The following KLK14 variants were observed in gnomAD, a reference collection of about 807,000 sequenced individuals.
The protein encoded by KLK14 is kallikrein-14.
KLK14 carries 21 observed loss-of-function variants against 24.6 expected under a neutral mutation model. The ratio of observed to expected loss-of-function variants is 0.85; its 90% confidence interval spans 0.61 to 1.23. KLK14 has a LOEUF of 1.23. Among genes scored for constraint, KLK14 ranks in the 50% most tolerant of loss-of-function variants. The pLI, the probability that KLK14 is intolerant of heterozygous loss-of-function variation, is 0.00. For synonymous variants in KLK14, 133 were observed against 139.7 expected, an observed-to-expected ratio of 0.95 and a Z score of 0.34; for missense variants, 320 against 338.9, an observed-to-expected ratio of 0.94 and a Z score of 0.44.
At chr19:51,082,344 T>C (rs890010964) in intron 2 of KLK14, among the ~76,000 whole-genome samples, 2 of 152,162 alleles carry the variant, frequency 1.3e-5, no homozygotes, top group African/African-American at 2.4e-5. Flanking sequence ...ATTCCTTATG[T>C]ATTTTGCACC....
chr19:51,079,803 A>G (rs2091828514), intron 3 of KLK14, 101 bp from the exon 4 acceptor site: 2 of 1,455,352 alleles, frequency 1.4e-6, no homozygotes, highest in Non-Finnish European at 9.1e-7. Flanking sequence ...GTCTTCCCCG[A>G]GGTCTAGCCT....
rs778106206 is a variant in KLK14, at chr19:51,077,958, G to A, written c.*49C>T. On this transcript the variant is annotated 3_prime_UTR_variant, in exon 6 of 6. Coordinates refer to ENST00000650543, the MANE Select transcript of KLK14 (RefSeq NM_001369775.2). ...CCTGGACTCCTGGGTCCTGAGTAGA[G>A]AGAGGAGGGCCTGGGCAGCTGACGA... 2 of 1,602,406 alleles carry A rather than the reference G, an allele frequency of 1.2e-6. No individual in the cohort carries two copies. Among genetic ancestry groups the A allele is most frequent in the Admixed American group, 1.7e-5 (1 of 59,458 alleles).
At chr19:51,077,673 T>TGG (rs1446420702), downstream of KLK14, among the ~76,000 whole-genome samples, 4 of 73,050 alleles carry the variant, frequency 5.5e-5, no homozygotes, top group Admixed American at 1.7e-4. Flanking sequence ...GAGGAGGGGC[T>TGG]GGGCCTGGAT....
chr19:51,080,506 G>A (rs1027502483), intron 3 of KLK14, among the ~76,000 whole-genome samples: 1 of 152,164 alleles, frequency 6.6e-6, no homozygotes, highest in Non-Finnish European at 1.5e-5. Flanking sequence ...TCTAGACTCT[G>A]GCCTGAGCTT....
rs2091813727 is a variant in KLK14, at chr19:51,078,060, T to TGTAGACACC, written c.694_702dup (p.Gly232_Tyr234dup). On this transcript the variant is annotated inframe_insertion, in exon 6 of 6. Transcript: ENST00000650543. The surrounding 1 kb of genome is among the most constrained non-coding windows in gnomAD (Gnocchi z 5.0). Reference sequence around the variant, plus strand: ...CAGCTTCTGTACTTGCACAGGTTGGTGTAGACACCGGGGTAGCCAGGCAGG... The same window carrying TGTAGACACC: ...CAGCTTCTGTACTTGCACAGGTTGGTGTAGACACCGTAGACACCGGGGTAGCCAGGCAGG... The TGTAGACACC allele has an allele frequency of 1.2e-6, 2 of 1,613,950 alleles. No individual in the cohort carries two copies. Among genetic ancestry groups the TGTAGACACC allele is most frequent in the East Asian group, 4.5e-5 (2 of 44,876 alleles).
intron 4 of KLK14, among the ~76,000 whole-genome samples, 170 bp from the exon 5 acceptor site, chr19:51,079,121 C>T (rs1489550085): frequency 1.4e-5 from 2 of 139,872 alleles, no homozygotes; most frequent in African/African-American, 3.1e-5. Flanking sequence ...GGAGTCCAGA[C>T]CCCCAGTCCC....
rs2091816169 is a variant in KLK14, at chr19:51,078,323, G to T, written c.604-164C>A. On this transcript the variant is annotated intron_variant, in intron 5 of 5. Coordinates refer to ENST00000650543, the MANE Select transcript of KLK14 (RefSeq NM_001369775.2). This position sits in a 1 kb window ranked among gnomAD's most constrained non-coding sequence, Gnocchi z 5.0. ...CTGAGGTCTCAGCCCCGGAGGTCGGGGCACTTCCTTCCCTCTCCGCTGGGT... is the reference window on the plus strand; with the variant it reads ...CTGAGGTCTCAGCCCCGGAGGTCGGTGCACTTCCTTCCCTCTCCGCTGGGT... Among the ~76,000 whole-genome samples, 1 of 152,130 alleles carries T rather than the reference G, an allele frequency of 6.6e-6. No individual in the cohort carries two copies. Among genetic ancestry groups the T allele is most frequent in the Non-Finnish European group, 1.5e-5 (1 of 68,012 alleles).
Position 51,078,174 on chromosome 19 carries a change from C to A in KLK14, c.604-15G>T. The stretch of plus-strand genomic sequence containing the variant: ...CCAGAGTCACCCTGAGGGGGAGGAA[C>A]AGAAATGGAGACACTGATGGACAGG... On this transcript the variant is annotated splice_polypyrimidine_tract_variant and intron_variant, in intron 5 of 5. Transcript: ENST00000650543. The surrounding 1 kb of genome is among the most constrained non-coding windows in gnomAD (Gnocchi z 5.0). 4 of 1,612,282 alleles carry A rather than the reference C, an allele frequency of 2.5e-6. No homozygotes were observed. Among genetic ancestry groups the A allele is most frequent in the Non-Finnish European group, 3.4e-6 (4 of 1,179,356 alleles).
chr19:51,081,885 C>T (rs566330570), intron 2 of KLK14, among the ~76,000 whole-genome samples, 182 bp from the exon 3 acceptor site: 7 of 152,230 alleles, frequency 4.6e-5, no homozygotes, highest in African/African-American at 1.7e-4. Flanking sequence ...TGCCCCAGCA[C>T]GGAGAGCTTT....
At chr19:51,080,197 T>C (rs2122753594) in intron 3 of KLK14, among the ~76,000 whole-genome samples, 1 of 151,954 alleles carries the variant, frequency 6.6e-6, no homozygotes, top group African/African-American at 2.4e-5. Flanking sequence ...TTTTTTGTGA[T>C]GGAGTCTCGC....
intron 2 of KLK14, among the ~76,000 whole-genome samples, chr19:51,082,017 C>T (rs777676641): frequency 1.7e-4 from 26 of 152,026 alleles, no homozygotes; most frequent in Non-Finnish European, 5.9e-5. Context: ...GTGATCACTT[C>T]TCGAAATATG....
At chr19:51,077,497 G>C (rs992614598), downstream of KLK14, 1 of 163,232 alleles carries the variant, frequency 6.1e-6, no homozygotes, top group African/African-American at 2.4e-5. Flanking sequence ...GCTTGGTGGG[G>C]AGAAAACGCC....
intron 3 of KLK14, among the ~76,000 whole-genome samples, chr19:51,080,183 T>TA (rs1555793034): frequency 1.4e-5 from 1 of 70,280 alleles, no homozygotes; most frequent in African/African-American, 7.3e-5. Context: ...TATTTATTTA[T>TA]TTTTTTTTTG....
At chr19:51,077,850 G>T (rs1599795427), downstream of KLK14, 3 of 639,714 alleles carry the variant, frequency 4.7e-6, no homozygotes, top group East Asian at 9.0e-5. Context: ...GAGGGAGGAG[G>T]GGCTGGGGGC....
upstream of KLK14, chr19:51,084,054 G>T (rs931249046): frequency 5.9e-5 from 9 of 152,742 alleles, no homozygotes; most frequent in African/African-American, 2.2e-4. Context: ...GCAGCGCCAG[G>T]GAGAGATGGA....
At chr19:51,083,456 AAGAG>A (rs763745084), upstream of KLK14, among the ~76,000 whole-genome samples, 1 of 146,532 alleles carries the variant, frequency 6.8e-6, no homozygotes, top group Non-Finnish European at 1.5e-5. Flanking sequence ...GAGAGAGAGA[AAGAG>A]AGAGACAGAG....
At chr19:51,081,981 C>T (rs2091842731) in intron 2 of KLK14, among the ~76,000 whole-genome samples, 1 of 152,094 alleles carries the variant, frequency 6.6e-6, no homozygotes, top group Admixed American at 6.6e-5. Flanking sequence ...ATCTACGACC[C>T]TTAGCTCTAT....
chr19:51,079,827 TG>T, intron 3 of KLK14, 125 bp from the exon 4 acceptor site: 2 of 1,394,846 alleles, frequency 1.4e-6, no homozygotes, highest in Non-Finnish European at 1.9e-6. Context: ...TCTCACTAAC[TG>T]CAGGCCGAGC....
Position 51,079,030 on chromosome 19 carries a change from T to G in KLK14, c.467-79A>C, listed in dbSNP as rs182102372. ...GTCCAGGCCCCCAGCCCCTCCTCCT[T>G]CCGACCCAGGAGTCCAGCCCCAGCA... On this transcript the variant is annotated intron_variant, in intron 4 of 5. Coordinates refer to ENST00000650543, the MANE Select transcript of KLK14 (RefSeq NM_001369775.2). 8.0e-4 allele frequency: 1,234 copies of G among 1,538,472 alleles called. 21 individuals carry two copies. In the African/African-American group the frequency reaches 9.1e-3, roughly 11 times the overall value.
Sources: gnomAD v4.1 joint callset for allele counts (sites outside exome capture counted in the v4.1 genomes callset) on GRCh38, gnomAD v4.1.1 for gene constraint, Gnocchi (gnomAD v3.1) non-coding constraint, MANE v1.5 for transcripts, NCBI Gene and HGNC (gene_info 2026-07-23, HGNC 2026-07-21) for gene names.